Variants in DYNC2H1 observed in about 807,000 individuals in gnomAD.
The protein encoded by DYNC2H1 is cytoplasmic dynein 2 heavy chain 1.
A neutral mutation model predicts 570.0 loss-of-function variants in DYNC2H1; 410 were observed. That is an observed-to-expected ratio of 0.72 (90% CI 0.66 to 0.78). The LOEUF (loss-of-function observed/expected upper bound fraction) is 0.78. Ranked by LOEUF, DYNC2H1 falls within the 30% of genes least tolerant of loss-of-function variation. The pLI is 0.00. For missense variants in DYNC2H1, 4,865 were observed against 5,046.4 expected (o/e 0.96, Z 1.09); for synonymous variants, 1,688 against 1,677.6 (o/e 1.01, Z -0.15).
At chr11:103,127,718 GTCC>G (rs1940635590) in intron 12 of DYNC2H1, among the ~76,000 whole-genome samples, 1 of 152,160 alleles carries the variant, frequency 6.6e-6, no homozygotes, top group Non-Finnish European at 1.5e-5. Context: ...AGTTAAGAGT[GTCC>G]TCCTTTGTCC....
chr11:103,159,420 T>C (rs1860985097), intron 28 of DYNC2H1, among the ~76,000 whole-genome samples: 1 of 152,104 alleles, frequency 6.6e-6, no homozygotes, highest in Admixed American at 6.5e-5. Context: ...CTCTTCCTTA[T>C]AGAGTTTAAG....
intron 83 of DYNC2H1, among the ~76,000 whole-genome samples, chr11:103,393,109 C>G (rs1456274006): frequency 6.6e-6 from 1 of 152,192 alleles, no homozygotes; most frequent in African/African-American, 2.4e-5. Context: ...CTCTTGAACT[C>G]CTGACCTCAG....
At chr11:103,148,035 TAGG>T (rs2134853098) in intron 19 of DYNC2H1, 148 bp downstream of exon 19, 1 of 605,972 alleles carries the variant, frequency 1.7e-6, no homozygotes, top group East Asian at 2.9e-5. Flanking sequence ...ATTCAATCAT[TAGG>T]AGGTCTAATG....
At chr11:103,343,399 C>A (rs1939576055) in intron 82 of DYNC2H1, among the ~76,000 whole-genome samples, 1 of 152,102 alleles carries the variant, frequency 6.6e-6, no homozygotes, top group Admixed American at 6.5e-5. Flanking sequence ...TTTCTAGTTT[C>A]TCCTATAAGA....
chr11:103,466,105 CA>C (rs111585825), intron 87 of DYNC2H1, among the ~76,000 whole-genome samples: 24,755 of 151,252 alleles, frequency 0.16, 2,183 homozygotes, highest in Admixed American at 0.25. Context: ...TAATGTAACA[CA>C]AAAAAAACAG....
Position 103,424,156 on chromosome 11 carries a change from C to A in DYNC2H1, c.12367-11787C>A, listed in dbSNP as rs989814493. The stretch of plus-strand genomic sequence containing the variant: ...ATTTTGGGGGATTGATAAAAATATT[C>A]TGGAATTAGTGGTTATGCTTGTACA... On this transcript the variant is annotated intron_variant, in intron 84 of 88. Transcript: ENST00000375735. 2.6e-5 allele frequency among the ~76,000 whole-genome samples: 4 copies of A among 152,004 alleles called. 1 individual carries two copies. The highest frequency in any genetic ancestry group is 4.4e-5 in the Non-Finnish European group (3 of 67,976).
Position 103,264,875 on chromosome 11 carries a change from G to A in DYNC2H1, c.10695+4898G>A, listed in dbSNP as rs1424904391. Among the ~76,000 whole-genome samples the A allele has an allele frequency of 6.6e-6, 1 of 152,134 alleles. No homozygotes were observed. Among genetic ancestry groups the A allele is most frequent in the Non-Finnish European group, 1.5e-5 (1 of 68,010 alleles). On this transcript the variant is annotated intron_variant, in intron 70 of 88. Coordinates refer to ENST00000375735, the MANE Select transcript of DYNC2H1 (RefSeq NM_001377.3). The surrounding 1 kb of genome is among the most constrained non-coding windows in gnomAD (Gnocchi z 4.8). ...TACTGGAAGTTCTGGCCAGGGCAAA[G>A]TGGCAAGAGAAAGAAATAAAGGGTA...
Position 103,228,049 on chromosome 11 carries a change from C to G in DYNC2H1, c.9354-3211C>G, listed in dbSNP as rs893235135. ...ATTTGCATGGAATATGTTTTTCCAC[C>G]CCTTTACCTTAAGTTTATGAGAGTC... On this transcript the variant is annotated intron_variant, in intron 59 of 88. Transcript: ENST00000375735. The surrounding 1 kb of genome is among the most constrained non-coding windows in gnomAD (Gnocchi z 6.1). 1.3e-5 allele frequency among the ~76,000 whole-genome samples: 2 copies of G among 152,164 alleles called. No individual in the cohort carries two copies. The highest frequency in any genetic ancestry group is 4.2e-4 in the South Asian group (2 of 4,816).
chr11:103,444,098 T>G (rs908022361), intron 85 of DYNC2H1, among the ~76,000 whole-genome samples: 4 of 151,704 alleles, frequency 2.6e-5, no homozygotes, highest in Non-Finnish European at 5.9e-5. Context: ...ATTAGTTAAA[T>G]TTTTATTAAT....
chr11:103,385,737 G>A (rs892231162), intron 83 of DYNC2H1, among the ~76,000 whole-genome samples: 13 of 152,070 alleles, frequency 8.5e-5, no homozygotes, highest in African/African-American at 3.1e-4. Context: ...TTTTATTTAC[G>A]TACCACAGTG....
At chr11:103,383,929 T>G (rs1480722965) in intron 83 of DYNC2H1, among the ~76,000 whole-genome samples, 2 of 152,224 alleles carry the variant, frequency 1.3e-5, no homozygotes, top group Non-Finnish European at 2.9e-5. Context: ...CTCCATTTTT[T>G]TACTCATTCT....
chr11:103,135,737 T>A lies in DYNC2H1; in HGVS notation c.2363T>A (p.Phe788Tyr). 1 of 1,610,590 alleles carries A rather than the reference T, an allele frequency of 6.2e-7. No homozygotes were observed. The highest frequency in any genetic ancestry group is 8.5e-7 in the Non-Finnish European group (1 of 1,178,122). The change falls in exon 17 of 89, where the codon TTC becomes TAC. Residue 788 changes from phenylalanine (F) to tyrosine (Y), a missense_variant. Coordinates refer to ENST00000375735, the MANE Select transcript of DYNC2H1 (RefSeq NM_001377.3). ...ACTTTTAGACAGGGACGATTACAAT[T>A]CAGGCCCCCTTTTGAAGAAATCCGG... ...DLTYKQGRLQFRPPFEEIRAK... is the reference protein window; with the variant it reads ...DLTYKQGRLQYRPPFEEIRAK...
Position 103,468,626 on chromosome 11 carries a change from G to C in DYNC2H1, c.12686G>C (p.Gly4229Ala). 1 of 1,613,612 alleles carries C rather than the reference G, an allele frequency of 6.2e-7. No homozygotes were observed. The highest frequency in any genetic ancestry group is 1.7e-5 in the Admixed American group (1 of 60,004). ...GLLLEGCSFD[G>A]NQLSENQLDS... ...TTACTAGAAGGATGTAGTTTTGATG[G>C]AAATCAACTTTCTGAAAATCAGCTT... Residue 4229 changes from glycine (G) to alanine (A), a missense_variant, in exon 88 of 89, where the codon GGA becomes GCA. This residue lies in a region of DYNC2H1 where 2,401 missense variants were observed against 2,454.6 expected (regional missense o/e 0.98). Coordinates refer to ENST00000375735, the MANE Select transcript of DYNC2H1 (RefSeq NM_001377.3).
chr11:103,113,515 T>TA, intron 1 of DYNC2H1, 22 bp from the exon 2 acceptor site: 1 of 1,486,514 alleles, frequency 6.7e-7, no homozygotes, highest in Non-Finnish European at 8.9e-7. Flanking sequence ...AAGATAACAT[T>TA]AAAAATCATT....
intron 17 of DYNC2H1, among the ~76,000 whole-genome samples, chr11:103,139,908 G>A (rs903900219): frequency 6.6e-6 from 1 of 152,184 alleles, no homozygotes; most frequent in African/African-American, 2.4e-5. Context: ...CCTGTATTGA[G>A]TGCATATATA....
chr11:103,277,350 T>G lies in DYNC2H1; in HGVS notation c.10696-2998T>G, dbSNP rs1865954464. ...CCTTCGGTTTTTCTTTCATTTTACT[T>G]ATATTTTACAAATTTTTCTTCATCT... On this transcript the variant is annotated intron_variant, in intron 70 of 88. Coordinates refer to ENST00000375735, the MANE Select transcript of DYNC2H1 (RefSeq NM_001377.3). This position sits in a 1 kb window ranked among gnomAD's most constrained non-coding sequence, Gnocchi z 4.3. Among the ~76,000 whole-genome samples the G allele has an allele frequency of 6.6e-6, 1 of 152,166 alleles. No individual in the cohort carries two copies. The highest frequency in any genetic ancestry group is 1.5e-5 in the Non-Finnish European group (1 of 68,024).
Position 103,156,596 on chromosome 11 carries a change from A to G in DYNC2H1, c.3953A>G (p.Tyr1318Cys), listed in dbSNP as rs776466764. The change falls in exon 26 of 89, where the codon TAT becomes TGT. Residue 1318 changes from tyrosine to cysteine, a missense_variant. Coordinates refer to ENST00000375735, the MANE Select transcript of DYNC2H1 (RefSeq NM_001377.3). ...LLQSLKDSPYYKGFEDKVSIW... is the reference protein window; with the variant it reads ...LLQSLKDSPYCKGFEDKVSIW... ...CAATCCTTAAAGGATTCTCCTTATT[A>G]TAAAGGATTTGAAGATAAAGTATCA... is the stretch of plus-strand genomic sequence containing the variant. 3 of 1,613,704 alleles carry G rather than the reference A, an allele frequency of 1.9e-6. No homozygotes were observed. The highest frequency in any genetic ancestry group is 2.5e-6 in the Non-Finnish European group (3 of 1,179,682).
chr11:103,270,719 G>A (rs1488651965), intron 70 of DYNC2H1, among the ~76,000 whole-genome samples: 1 of 152,070 alleles, frequency 6.6e-6, no homozygotes, highest in African/African-American at 2.4e-5. Flanking sequence ...GCTGGACAAA[G>A]GGACAATTGA....
intron 46 of DYNC2H1, 83 bp from the exon 47 acceptor site, chr11:103,192,014 C>G (rs1862337255): frequency 1.8e-6 from 2 of 1,132,158 alleles, no homozygotes; most frequent in Admixed American, 5.4e-5. Context: ...ATGTAGACAC[C>G]TGCTATTTCT....
Sources: gnomAD v4.1 joint callset for allele counts (sites outside exome capture counted in the v4.1 genomes callset) on GRCh38, gnomAD v4.1.1 for gene constraint, gnomAD v4.1.1 regional missense constraint, Gnocchi (gnomAD v3.1) non-coding constraint, MANE v1.5 for transcripts, NCBI Gene and HGNC (gene_info 2026-07-23, HGNC 2026-07-21) for gene names.